Variants in FOLH1 observed in about 807,000 individuals in gnomAD.
FOLH1 encodes the protein folate hydrolase 1, also known as glutamate carboxypeptidase 2.
FOLH1 carries 54 observed loss-of-function variants against 93.9 expected under a neutral mutation model. The ratio of observed to expected loss-of-function variants is 0.57; its 90% CI spans 0.46 to 0.72. The LOEUF (loss-of-function observed/expected upper bound fraction) is 0.72, where lower values mean the gene tolerates loss of function less well. Ranked by LOEUF, FOLH1 falls within the 30% of genes least tolerant of loss-of-function variation. The pLI, the probability that FOLH1 is intolerant of heterozygous loss-of-function variation, is 0.00. For missense variants in FOLH1, 571 were observed against 892.5 expected, an observed-to-expected ratio of 0.64 and a Z score of 4.59; for synonymous variants, 249 against 303.6, an observed-to-expected ratio of 0.82 and a Z score of 1.87.
intron 17 of FOLH1, among the ~76,000 whole-genome samples, chr11:49,152,049 A>G (rs1352262432): frequency 6.6e-6 from 1 of 152,102 alleles, no homozygotes; most frequent in African/African-American, 2.4e-5. Context: ...TATATTTACA[A>G]TTTTACAACC....
intron 4 of FOLH1, among the ~76,000 whole-genome samples, chr11:49,189,178 T>C (rs1487675825): frequency 6.6e-6 from 1 of 152,176 alleles, no homozygotes; most frequent in African/African-American, 2.4e-5. Flanking sequence ...TTCAATACCA[T>C]GAAAAAGCGC....
intron 7 of FOLH1, among the ~76,000 whole-genome samples, chr11:49,179,355 T>G (rs1038485149): frequency 1.3e-5 from 2 of 152,202 alleles, no homozygotes; most frequent in Non-Finnish European, 2.9e-5. Context: ...CTGGATAAAT[T>G]TAAAAGGTTG....
At position 49,146,579 on chromosome 11, in the gene FOLH1, T is replaced by A; in HGVS notation, c.*177A>T. The A allele has an allele frequency of 1.7e-6, 1 of 574,436 alleles. No individual in the cohort carries two copies. The highest frequency in any genetic ancestry group is 4.3e-5 in the South Asian group (1 of 23,144). The allele number at this position is 574,436 out of a possible 1,614,324, so 35.6% of individuals were successfully genotyped here. A position where few individuals can be genotyped will look rare whatever the true frequency, so the allele number is the denominator to read the frequency against. ...TTATAATTATGAAATTCAGTTTTAA[T>A]CCATAGGGAGAAGATAAACAATATA... On this transcript the variant is annotated 3_prime_UTR_variant, in exon 19 of 19. Coordinates refer to ENST00000256999, the MANE Select transcript of FOLH1 (RefSeq NM_004476.3).
intron 14 of FOLH1, among the ~76,000 whole-genome samples, chr11:49,157,258 G>A (rs1043017768): frequency 4.0e-5 from 6 of 151,844 alleles, no homozygotes; most frequent in African/African-American, 1.4e-4. Flanking sequence ...ATGTTGAAAT[G>A]ATGCTTGCAT....
At chr11:49,170,957 T>A (rs1409889854) in intron 11 of FOLH1, among the ~76,000 whole-genome samples, 1 of 152,222 alleles carries the variant, frequency 6.6e-6, no homozygotes, top group East Asian at 1.9e-4. Flanking sequence ...GAAATAAAGA[T>A]AAATTAATTT....
chr11:49,183,320 A>G, intron 6 of FOLH1, 78 bp from the exon 7 acceptor site: 2 of 1,062,042 alleles, frequency 1.9e-6, no homozygotes, highest in Non-Finnish European at 2.8e-6. Flanking sequence ...CATTAAATAC[A>G]TTCTAATTTC....
chr11:49,207,972 C>CAAAACAAAACAAAAG (rs1171469663), intron 1 of FOLH1: 17 of 585,754 alleles, frequency 2.9e-5, no homozygotes, highest in Admixed American at 1.4e-4. Context: ...CAAAACAAAA[C>CAAAACAAAACAAAAG]AAAAGCAAAA....
chr11:49,184,501 A>AT (rs1861152562), intron 6 of FOLH1, among the ~76,000 whole-genome samples: 1 of 152,182 alleles, frequency 6.6e-6, no homozygotes, highest in Admixed American at 6.5e-5. Context: ...GCTAAGCTGC[A>AT]TTTTTTAAAA....
rs2734000 is a variant in FOLH1, at chr11:49,146,464, C to G, written c.*292G>C. Among the ~76,000 whole-genome samples the G allele has an allele frequency of 0.015, 2,262 of 152,182 alleles. 23 individuals carry two copies. Among genetic ancestry groups the G allele is most frequent in the South Asian group, 0.028 (134 of 4,824 alleles). ...GACATGAATAGATTAGACTTGATTC[C>G]CTGATAATGCCAGATGAGAGTTTTA... On this transcript the variant is annotated 3_prime_UTR_variant, in exon 19 of 19. Transcript: ENST00000256999.
At chr11:49,206,238 T>C in intron 1 of FOLH1, 66 bp from the exon 2 acceptor site, 1 of 1,600,790 alleles carries the variant, frequency 6.2e-7, no homozygotes, top group African/African-American at 1.3e-5. Flanking sequence ...TTTTCATTAT[T>C]GTTGTATGTA....
In FOLH1 at chr11:49,208,483, A is replaced by G. The variant is rs1590728129; in HGVS notation, c.-74T>C. ...CTCTACTGCGCGCCCTCCAACCACCACGGCGGGGTAAAGTCTCTCTCAATC... is the reference window on the plus strand; with the variant it reads ...CTCTACTGCGCGCCCTCCAACCACCGCGGCGGGGTAAAGTCTCTCTCAATC... On this transcript the variant is annotated 5_prime_UTR_variant, in exon 1 of 19. Coordinates refer to ENST00000256999, the MANE Select transcript of FOLH1 (RefSeq NM_004476.3). 1 of 1,010,368 alleles carries G rather than the reference A, an allele frequency of 9.9e-7. No individual in the cohort carries two copies. Among genetic ancestry groups the G allele is most frequent in the East Asian group, 2.6e-5 (1 of 38,800 alleles). The allele number at this position is 1,010,368 out of a possible 1,614,324, so 62.6% of individuals were successfully genotyped here.
intron 13 of FOLH1, among the ~76,000 whole-genome samples, chr11:49,161,389 T>C (rs1356966007): frequency 6.6e-6 from 1 of 152,178 alleles, no homozygotes; most frequent in Non-Finnish European, 1.5e-5. Context: ...ATGCCCTTCT[T>C]TGTCTTTTTT....
At chr11:49,200,699 G>A (rs1343722099) in intron 2 of FOLH1, among the ~76,000 whole-genome samples, 5 of 151,994 alleles carry the variant, frequency 3.3e-5, no homozygotes, top group East Asian at 3.9e-4. Context: ...CTATAACCTC[G>A]TATGGTAGAT....
chr11:49,182,296 T>A (rs1451174650), intron 7 of FOLH1, among the ~76,000 whole-genome samples: 1 of 114,496 alleles, frequency 8.7e-6, no homozygotes, highest in African/African-American at 3.5e-5. Flanking sequence ...ACCATTGCAC[T>A]CCAGCCTGGG....
At chr11:49,151,796 GA>G in intron 17 of FOLH1, among the ~76,000 whole-genome samples, 2 of 152,222 alleles carry the variant, frequency 1.3e-5, no homozygotes, top group Middle Eastern at 6.8e-3. Context: ...GTCAGAGGGA[GA>G]AAACATTTTT....
intron 2 of FOLH1, among the ~76,000 whole-genome samples, chr11:49,202,354 T>C (rs1035717046): frequency 6.6e-6 from 1 of 152,182 alleles, no homozygotes; most frequent in African/African-American, 2.4e-5. Context: ...ATTCTGTTTA[T>C]ATATCACTGT....
chr11:49,184,600 A>G (rs1332976023), intron 6 of FOLH1, among the ~76,000 whole-genome samples: 1 of 152,144 alleles, frequency 6.6e-6, no homozygotes, highest in Non-Finnish European at 1.5e-5. Context: ...TTAAAAAAGA[A>G]AAAAATCTCT....
At chr11:49,155,422 C>T (rs1590426618) in intron 15 of FOLH1, 1 of 155,850 alleles carries the variant, frequency 6.4e-6, no homozygotes, top group East Asian at 1.9e-4. Context: ...CTTACAGAAA[C>T]TTAATGTCAA....
chr11:49,170,104 A>C (rs1325433325), intron 11 of FOLH1, among the ~76,000 whole-genome samples: 2 of 152,176 alleles, frequency 1.3e-5, no homozygotes, highest in East Asian at 3.9e-4. Flanking sequence ...GGAGCCAGTA[A>C]ATATTTACAG....
Sources: gnomAD v4.1 joint callset for allele counts (sites outside exome capture counted in the v4.1 genomes callset) on GRCh38, gnomAD v4.1.1 for gene constraint, MANE v1.5 for transcripts, NCBI Gene and HGNC (gene_info 2026-07-23, HGNC 2026-07-21) for gene names.